Variants in SFMBT1 observed in about 807,000 individuals in gnomAD.
The protein encoded by SFMBT1 is scm-like with four MBT domains protein 1.
A neutral mutation model predicts 108.7 loss-of-function variants in SFMBT1; 32 were observed. The ratio of observed to expected loss-of-function variants is 0.29; its 90% confidence interval spans 0.22 to 0.40. The LOEUF (loss-of-function observed/expected upper bound fraction) is 0.40. Ranked by LOEUF, SFMBT1 falls within the 10% of genes least tolerant of loss-of-function variation. The pLI is 1.00. For missense variants in SFMBT1, 816 were observed against 1,059.6 expected (o/e 0.77, Z 3.19); for synonymous variants, 348 against 369.5 (o/e 0.94, Z 0.67).
intron 3 of SFMBT1, among the ~76,000 whole-genome samples, chr3:52,944,455 G>C (rs1703291493): frequency 6.6e-6 from 1 of 152,182 alleles, no homozygotes; most frequent in Admixed American, 6.5e-5. Context: ...AATTGAGAGG[G>C]ACTAGAAATA....
intron 1 of SFMBT1, among the ~76,000 whole-genome samples, chr3:52,984,686 T>TA (rs1488711127): frequency 7.9e-6 from 1 of 126,012 alleles, no homozygotes; most frequent in Admixed American, 8.4e-5. Context: ...ATATAGGTAA[T>TA]ATATATTATT....
intron 1 of SFMBT1, among the ~76,000 whole-genome samples, chr3:53,043,607 T>C (rs889711186): frequency 3.2e-4 from 49 of 152,354 alleles, no homozygotes; most frequent in Admixed American, 8.5e-4. Flanking sequence ...TACAAATATA[T>C]AGTACCTATA....
chr3:52,961,517 T>TAGCC (rs1307378943), intron 2 of SFMBT1, among the ~76,000 whole-genome samples: 2 of 149,268 alleles, frequency 1.3e-5, no homozygotes, highest in African/African-American at 4.9e-5. Flanking sequence ...TGCCTGTGAA[T>TAGCC]AGCCACTGCA....
chr3:52,969,191 G>T lies in SFMBT1; in HGVS notation c.-63C>A. On this transcript the variant is annotated 5_prime_UTR_variant, in exon 2 of 21. Coordinates refer to ENST00000394752, the MANE Select transcript of SFMBT1 (RefSeq NM_016329.4). The stretch of plus-strand genomic sequence containing the variant: ...AAAGGAAAGGCCTATGGTTCTGCTA[G>T]GATCTGAAGATTACTTGCAGGTTTC... The T allele has an allele frequency of 6.2e-7, 1 of 1,601,024 alleles. No individual in the cohort carries two copies. Among genetic ancestry groups the T allele is most frequent in the Non-Finnish European group, 8.5e-7 (1 of 1,176,294 alleles).
At chr3:52,945,172 G>C (rs1167473789) in intron 3 of SFMBT1, among the ~76,000 whole-genome samples, 1 of 61,904 alleles carries the variant, frequency 1.6e-5, no homozygotes, top group African/African-American at 5.1e-5. Context: ...AGGGAAAAAA[G>C]CTTATTCCGA....
At chr3:52,912,748 G>T in intron 15 of SFMBT1, 101 bp from the exon 16 acceptor site, 1 of 859,902 alleles carries the variant, frequency 1.2e-6, no homozygotes. Flanking sequence ...TATTTAGGAG[G>T]TTAAATTCTA....
intron 3 of SFMBT1, among the ~76,000 whole-genome samples, chr3:52,948,709 C>T (rs1052529046): frequency 4.0e-5 from 6 of 150,948 alleles, no homozygotes; most frequent in South Asian, 2.1e-4. Flanking sequence ...TGATGTACAG[C>T]GGCACAATCT....
intron 1 of SFMBT1, among the ~76,000 whole-genome samples, chr3:53,011,704 C>G (rs1486125650): frequency 3.9e-5 from 6 of 152,164 alleles, no homozygotes; most frequent in African/African-American, 1.2e-4. Flanking sequence ...AAAATAAATA[C>G]TGGTGCCACT....
chr3:53,024,245 A>G (rs1455381638), intron 1 of SFMBT1, among the ~76,000 whole-genome samples: 1 of 152,182 alleles, frequency 6.6e-6, no homozygotes. Flanking sequence ...GTGGGTGGTT[A>G]GAGCCTGTTC....
chr3:52,962,807 T>TAAAAAAAAA (rs561200053), intron 2 of SFMBT1, among the ~76,000 whole-genome samples: 2 of 10,602 alleles, frequency 1.9e-4, no homozygotes, highest in Admixed American at 8.9e-4. Context: ...GCTCCCTGTC[T>TAAAAAAAAA]CAAAAAAAAA....
chr3:52,966,363 C>A (rs1262842909), intron 2 of SFMBT1, among the ~76,000 whole-genome samples: 1 of 150,316 alleles, frequency 6.7e-6, no homozygotes, highest in Non-Finnish European at 1.5e-5. Flanking sequence ...CGGTGGCTCA[C>A]GCCTGTAATC....
intron 1 of SFMBT1, among the ~76,000 whole-genome samples, chr3:52,991,870 G>A (rs1455761569): frequency 2.0e-5 from 3 of 152,136 alleles, no homozygotes; most frequent in Non-Finnish European, 1.5e-5. Context: ...TCAGACTCCA[G>A]AATAGTGAGA....
At position 52,928,489 on chromosome 3, in the gene SFMBT1, A is replaced by G. The variant is rs183917987; in HGVS notation, c.898-148T>C. 9 of 736,700 alleles carry G rather than the reference A, an allele frequency of 1.2e-5. No homozygotes were observed. The Admixed American group carries it at 1.7e-4, about 14-fold the overall frequency. The allele number at this position is 736,700 out of a possible 1,614,324, so 45.6% of individuals were successfully genotyped here. On this transcript the variant is annotated intron_variant, in intron 8 of 20. Transcript: ENST00000394752. ...AAATGTTAGCTCTGTGTTATGTAAT[A>G]CATATAATTACTGTTTTAATTAAAT... is the stretch of plus-strand genomic sequence containing the variant.
intron 4 of SFMBT1, among the ~76,000 whole-genome samples, chr3:52,941,930 A>C (rs1703196977): frequency 6.6e-6 from 1 of 152,068 alleles, no homozygotes; most frequent in African/African-American, 2.4e-5. Flanking sequence ...ATTATCTTAA[A>C]TGTTATTGGA....
chr3:52,906,600 A>T (rs1439450739), intron 19 of SFMBT1, among the ~76,000 whole-genome samples: 1 of 152,236 alleles, frequency 6.6e-6, no homozygotes, highest in Non-Finnish European at 1.5e-5. Flanking sequence ...GAATATTCTT[A>T]AAAAGCAATC....
intron 1 of SFMBT1, among the ~76,000 whole-genome samples, chr3:52,996,037 C>T (rs1698315553): frequency 6.8e-6 from 1 of 147,128 alleles, no homozygotes; most frequent in Non-Finnish European, 1.5e-5. Context: ...CACCACTACA[C>T]TCTAGCCTGG....
chr3:52,928,452 A>C lies in SFMBT1; in HGVS notation c.898-111T>G, dbSNP rs191440363. ...GTTCATACTCATGTGGGTATTAATA[A>C]TACTAAACACTAAATGTTAGCTCTG... On this transcript the variant is annotated intron_variant, in intron 8 of 20. Coordinates refer to ENST00000394752, the MANE Select transcript of SFMBT1 (RefSeq NM_016329.4). The C allele has an allele frequency of 9.8e-4, 1,050 of 1,069,968 alleles. 8 individuals carry two copies. In the African/African-American group the frequency reaches 0.015, roughly 15 times the overall value. The allele number at this position is 1,069,968 out of a possible 1,614,324, so 66.3% of individuals were successfully genotyped here.
chr3:52,984,134 G>A (rs1323951382), intron 1 of SFMBT1, among the ~76,000 whole-genome samples: 1 of 152,170 alleles, frequency 6.6e-6, no homozygotes, highest in Non-Finnish European at 1.5e-5. Context: ...GGATAGAACT[G>A]CCACTTATGG....
chr3:53,041,670 C>G (rs903838379), intron 1 of SFMBT1, among the ~76,000 whole-genome samples: 2 of 125,852 alleles, frequency 1.6e-5, no homozygotes, highest in Non-Finnish European at 3.2e-5. Flanking sequence ...TGCACTCCAG[C>G]CTGGGCAACA....
Sources: allele counts gnomAD v4.1 joint callset (sites outside exome capture counted in the v4.1 genomes callset), GRCh38; gene constraint gnomAD v4.1.1; transcripts MANE v1.5; gene names NCBI Gene and HGNC (gene_info 2026-07-23, HGNC 2026-07-21).